IL23R: variants seen among roughly 807,000 people sequenced by gnomAD.
IL23R encodes the protein interleukin 23 receptor, also known as interleukin-23 receptor.
Under a neutral mutation model 56.9 loss-of-function variants are expected in IL23R, and 34 were observed. The observed-to-expected ratio is 0.60, with a 90% confidence interval of 0.45 to 0.80. IL23R has a LOEUF of 0.80. Ranked by LOEUF, IL23R falls within the 30% of genes least tolerant of loss-of-function variation. The pLI is 0.00. For missense variants in IL23R, 635 were observed against 730.0 expected (o/e 0.87, Z 1.50); for synonymous variants, 230 against 249.2 (o/e 0.92, Z 0.73).
chr1:67,258,439 A>C (rs1253432634), intron 10 of IL23R, 39 bp from the exon 11 acceptor site: 1 of 1,516,372 alleles, frequency 6.6e-7, no homozygotes, highest in African/African-American at 1.4e-5. Flanking sequence ...GTTCTTTTAA[A>C]TGTCTTTTGC....
chr1:67,239,452 T>C (rs1007982707), intron 8 of IL23R, among the ~76,000 whole-genome samples: 1 of 152,102 alleles, frequency 6.6e-6, no homozygotes, highest in African/African-American at 2.4e-5. Context: ...TTTGTAGAGA[T>C]GGAGTTCTCA....
intron 3 of IL23R, among the ~76,000 whole-genome samples, chr1:67,174,744 G>A (rs1646987066): frequency 6.6e-6 from 1 of 151,948 alleles, no homozygotes; most frequent in African/African-American, 2.4e-5. Flanking sequence ...ATAGTTGTTG[G>A]GGTTTCATAG....
At chr1:67,243,353 A>C (rs940288492) in intron 9 of IL23R, among the ~76,000 whole-genome samples, 1 of 152,016 alleles carries the variant, frequency 6.6e-6, no homozygotes, top group African/African-American at 2.4e-5. Flanking sequence ...ATACATGTGC[A>C]GAACATGCAG....
chr1:67,262,335 G>A (rs12567232), downstream of IL23R, among the ~76,000 whole-genome samples: 43,278 of 151,952 alleles, frequency 0.28, 7,286 homozygotes, highest in East Asian at 0.71. Context: ...GGTAGGGGGT[G>A]GAGAGAGGCA....
intron 1 of IL23R, among the ~76,000 whole-genome samples, chr1:67,147,239 C>G (rs2102528687): frequency 6.6e-6 from 1 of 152,258 alleles, no homozygotes; most frequent in East Asian, 1.9e-4. Flanking sequence ...CCTGACATAC[C>G]TGAAGTTACC....
Position 67,227,954 on chromosome 1 carries a change from CTTTCTTTCTTTCTTTCTTTCTTTCTT to C in IL23R, c.955+8226_955+8251del, listed in dbSNP as rs1384954975. Among the ~76,000 whole-genome samples the C allele has an allele frequency of 5.1e-5, 3 of 59,304 alleles. 1 individual carries two copies. Among genetic ancestry groups the C allele is most frequent in the Non-Finnish European group, 7.0e-5 (2 of 28,428 alleles). The allele number at this position is 59,304 out of a possible 152,430, so 38.9% of individuals were successfully genotyped here. A position where few individuals can be genotyped will look rare whatever the true frequency, so the allele number is the denominator to read the frequency against. ...ACAGAACAAAGATCTTTCTTTCTTT[CTTTCTTTCTTTCTTTCTTTCTTTCTT>C]TCTTTCTTTCTTTCTTTCTTTCTTT... On this transcript the variant is annotated intron_variant, in intron 7 of 10. Coordinates refer to ENST00000347310, the MANE Select transcript of IL23R (RefSeq NM_144701.3).
intron 1 of IL23R, among the ~76,000 whole-genome samples, chr1:67,160,101 C>T (rs916080993): frequency 3.9e-5 from 6 of 152,150 alleles, no homozygotes; most frequent in Admixed American, 2.6e-4. Context: ...AATCCACCCA[C>T]CTTGACCTCC....
intron 1 of IL23R, among the ~76,000 whole-genome samples, chr1:67,140,137 T>C (rs1251388261): frequency 1.3e-5 from 2 of 152,190 alleles, no homozygotes; most frequent in East Asian, 3.8e-4. Context: ...TCTTTATAAA[T>C]TCCCCATTTT....
upstream of IL23R, among the ~76,000 whole-genome samples, chr1:67,165,449 C>A (rs1646863991): frequency 6.6e-6 from 1 of 152,150 alleles, no homozygotes; most frequent in South Asian, 2.1e-4. Flanking sequence ...TAGGATCCAG[C>A]AATCCCTCTT....
intron 7 of IL23R, among the ~76,000 whole-genome samples, chr1:67,227,289 G>A (rs1276192003): frequency 3.3e-5 from 5 of 152,158 alleles, no homozygotes; most frequent in Non-Finnish European, 5.9e-5. Flanking sequence ...CCTTTTTAAC[G>A]AAGAAAAGAC....
At chr1:67,173,961 T>C (rs904416355) in intron 3 of IL23R, among the ~76,000 whole-genome samples, 1 of 152,174 alleles carries the variant, frequency 6.6e-6, no homozygotes. Context: ...TCACTACATA[T>C]ACTTTTAATT....
intron 1 of IL23R, among the ~76,000 whole-genome samples, chr1:67,140,888 TA>T (rs1455922214): frequency 1.3e-5 from 2 of 152,206 alleles, no homozygotes; most frequent in Non-Finnish European, 2.9e-5. Flanking sequence ...AAAATGAATT[TA>T]GAGATATTAA....
At position 67,168,131 on chromosome 1, in the gene IL23R, T is replaced by A; in HGVS notation, c.11T>A (p.Val4Asp). 6.2e-7 allele frequency: 1 copy of A among 1,610,100 alleles called. No homozygotes were observed. Among genetic ancestry groups the A allele is most frequent in the Non-Finnish European group, 8.5e-7 (1 of 1,176,496 alleles). The part of the protein sequence containing the change: MNQ[V>D]TIQWDAVIAL... ...TTCCTGCTTCCAGACATGAATCAGG[T>A]CACTATTCAATGGGATGCAGTAATA... The change falls in exon 2 of 11, where the codon GTC (valine) becomes GAC (aspartate). Residue 4 changes from valine to aspartate, a missense_variant. Transcript: ENST00000347310.
chr1:67,222,337 G>A (rs1374601856), intron 7 of IL23R, among the ~76,000 whole-genome samples: 1 of 151,838 alleles, frequency 6.6e-6, no homozygotes, highest in Admixed American at 6.6e-5. Context: ...GGCTGGTCTC[G>A]AACTCACGAC....
chr1:67,201,148 A>G (rs372867872), intron 5 of IL23R, among the ~76,000 whole-genome samples: 2 of 151,962 alleles, frequency 1.3e-5, no homozygotes, highest in East Asian at 3.9e-4. Flanking sequence ...TCACGCCTGT[A>G]ATCCCAGCAT....
At chr1:67,229,373 G>A (rs528604616) in intron 7 of IL23R, among the ~76,000 whole-genome samples, 1 of 152,298 alleles carries the variant, frequency 6.6e-6, no homozygotes, top group South Asian at 2.1e-4. Flanking sequence ...GTGGGGAGGG[G>A]CATGGAGCTT....
intron 7 of IL23R, among the ~76,000 whole-genome samples, chr1:67,223,365 C>T (rs1650425674): frequency 6.6e-6 from 1 of 152,154 alleles, no homozygotes. Context: ...GGAGAAAAAT[C>T]ACTTAAGAGA....
intron 8 of IL23R, among the ~76,000 whole-genome samples, chr1:67,238,504 G>A (rs1319187470): frequency 2.6e-5 from 4 of 152,134 alleles, no homozygotes; most frequent in Non-Finnish European, 5.9e-5. Flanking sequence ...ATATTTCTGT[G>A]GGATCAGTGG....
chr1:67,188,220 G>A (rs1275172254), intron 4 of IL23R, among the ~76,000 whole-genome samples: 1 of 152,176 alleles, frequency 6.6e-6, no homozygotes, highest in South Asian at 2.1e-4. Context: ...GCCATCTTCA[G>A]TGTGTTGACC....
Sources: gnomAD v4.1 joint callset for allele counts (sites outside exome capture counted in the v4.1 genomes callset) on GRCh38, gnomAD v4.1.1 for gene constraint, MANE v1.5 for transcripts, NCBI Gene and HGNC (gene_info 2026-07-23, HGNC 2026-07-21) for gene names.